The following DTNA variants were observed in gnomAD, a reference collection of about 807,000 sequenced individuals.
The protein encoded by DTNA is dystrobrevin alpha, also known as dystrophin-related protein 3.
DTNA carries 43 observed loss-of-function variants against 100.7 expected under a neutral mutation model. The ratio of observed to expected loss-of-function variants is 0.43; its 90% CI spans 0.33 to 0.55. The LOEUF is 0.55. Ranked by LOEUF, DTNA falls within the 20% of genes least tolerant of loss-of-function variation. The pLI, the probability that DTNA is intolerant of heterozygous loss-of-function variation, is 0.04. For missense variants in DTNA, 798 were observed against 953.9 expected (o/e 0.84, Z 2.15); for synonymous variants, 349 against 347.9 (o/e 1.00, Z -0.04).
At chr18:34,651,860 T>C (rs2143940724) in intron 1 of DTNA, among the ~76,000 whole-genome samples, 1 of 152,126 alleles carries the variant, frequency 6.6e-6, no homozygotes, top group Non-Finnish European at 1.5e-5. Flanking sequence ...GCCCAGAAAT[T>C]TGAGACCAGC....
At chr18:34,838,355 T>C (rs2096198978) in intron 12 of DTNA, among the ~76,000 whole-genome samples, 184 bp downstream of exon 12, 1 of 152,216 alleles carries the variant, frequency 6.6e-6, no homozygotes. Flanking sequence ...GTTATTCACT[T>C]TCCCGAATTT....
rs10655400 is a variant in DTNA at position 34,771,957 on chromosome 18, C to CTTT, written c.148+5925_148+5927dup. On this transcript the variant is annotated intron_variant, in intron 3 of 22. Coordinates refer to ENST00000444659, the MANE Select transcript of DTNA (RefSeq NM_001386795.1). The stretch of plus-strand genomic sequence containing the variant: ...CAGATACCCTGTAATGTCAGCAGAT[C>CTTT]TTTTTTTTTTTCAGAAATTACTTTG... Among the ~76,000 whole-genome samples, 960 of 149,320 alleles carry CTTT rather than the reference C, an allele frequency of 6.4e-3. 5 individuals carry two copies. Among genetic ancestry groups the CTTT allele is most frequent in the African/African-American group, 0.023 (921 of 40,890 alleles).
At chr18:34,682,907 G>T (rs1001171276) in intron 1 of DTNA, among the ~76,000 whole-genome samples, 2 of 151,894 alleles carry the variant, frequency 1.3e-5, no homozygotes, top group Middle Eastern at 3.2e-3. Context: ...ACATTAATTT[G>T]TTGCTGTTAA....
At position 34,879,665 on chromosome 18, in the gene DTNA, G is replaced by A. The variant is rs142009291; in HGVS notation, c.2108G>A (p.Arg703Gln). 6.8e-5 allele frequency: 109 copies of A among 1,614,040 alleles called. No homozygotes were observed. The African/African-American group carries it at 9.5e-4, about 14-fold the overall frequency. The part of the protein sequence containing the change: ...EKAFLAQIHA[R>Q]KPGYIHSGAT... ...GCTTTTCTAGCGCAAATCCATGCCC[G>A]AAAACCTGGGTACATTCACAGTGGA... The change falls in exon 20 of 23, where the codon CGA (arginine) becomes CAA (glutamine). Residue 703 changes from arginine to glutamine, a missense_variant. By Grantham distance (43) the Arg-to-Gln change is conservative (BLOSUM62 1). This residue lies in a region of DTNA where 242 missense variants were observed against 238.2 expected (regional missense o/e 1.02). Coordinates refer to ENST00000444659, the MANE Select transcript of DTNA (RefSeq NM_001386795.1).
intron 1 of DTNA, among the ~76,000 whole-genome samples, chr18:34,744,410 A>G (rs1039903811): frequency 1.3e-5 from 2 of 152,134 alleles, no homozygotes; most frequent in African/African-American, 4.8e-5. Context: ...TAGGAACTCT[A>G]TTGGTATTTC....
chr18:34,532,485 C>T (rs576725947), intron 1 of DTNA, among the ~76,000 whole-genome samples: 1 of 152,050 alleles, frequency 6.6e-6, no homozygotes, highest in African/African-American at 2.4e-5. Flanking sequence ...ATTGCAACTG[C>T]AGAATTTGGT....
chr18:34,710,714 G>A (rs1050144378), intron 1 of DTNA, among the ~76,000 whole-genome samples: 1 of 151,856 alleles, frequency 6.6e-6, no homozygotes, highest in Non-Finnish European at 1.5e-5. Context: ...GTCAAAGAAA[G>A]AAAACTGCAA....
intron 1 of DTNA, among the ~76,000 whole-genome samples, chr18:34,572,651 C>T (rs552791653): frequency 1.3e-5 from 2 of 152,232 alleles, no homozygotes; most frequent in Admixed American, 1.3e-4. Flanking sequence ...CATCAGGTTC[C>T]CGTTTCCTCT....
Position 34,820,775 on chromosome 18 carries a change from T to G in DTNA, c.877-16T>G, listed in dbSNP as rs2095695411. The stretch of plus-strand genomic sequence containing the variant: ...ATATTAGCTGTTGTCACTTCTGCCT[T>G]CCTTCTTCTTTCCAGAAATCACCTG... On this transcript the variant is annotated splice_polypyrimidine_tract_variant and intron_variant, in intron 8 of 22. Coordinates refer to ENST00000444659, the MANE Select transcript of DTNA (RefSeq NM_001386795.1). 1 of 1,614,154 alleles carries G rather than the reference T, an allele frequency of 6.2e-7. No homozygotes were observed. Among genetic ancestry groups the G allele is most frequent in the Non-Finnish European group, 8.5e-7 (1 of 1,179,978 alleles).
At chr18:34,579,610 A>G (rs1032347613) in intron 1 of DTNA, among the ~76,000 whole-genome samples, 2 of 152,186 alleles carry the variant, frequency 1.3e-5, no homozygotes, top group Non-Finnish European at 2.9e-5. Flanking sequence ...CATCGTCTTA[A>G]GGCAGTCAAT....
At chr18:34,500,909 G>A (rs1238973969) in intron 1 of DTNA, among the ~76,000 whole-genome samples, 2 of 152,134 alleles carry the variant, frequency 1.3e-5, no homozygotes, top group East Asian at 3.9e-4. Context: ...TCTGAAAACA[G>A]AAACAATTTT....
intron 2 of DTNA, among the ~76,000 whole-genome samples, chr18:34,765,092 C>T (rs1004181101): frequency 9.2e-5 from 14 of 152,094 alleles, no homozygotes; most frequent in African/African-American, 3.1e-4. Context: ...TGGGCAATGT[C>T]GTTAGGCAAG....
intron 17 of DTNA, chr18:34,867,218 G>GT: frequency 2.4e-6 from 3 of 1,231,268 alleles, no homozygotes; most frequent in Non-Finnish European, 3.0e-6. Context: ...GTGTTTGTGT[G>GT]TAACAAAGAA....
chr18:34,712,695 T>A lies in DTNA; in HGVS notation c.-2+2250T>A, dbSNP rs373353955. Among the ~76,000 whole-genome samples, 23 of 152,274 alleles carry A rather than the reference T, an allele frequency of 1.5e-4. No homozygotes were observed. In the East Asian group the frequency reaches 4.0e-3, roughly 27 times the overall value. ...CCAGGATGTTTTAATTGTACAGTAT[T>A]TGTTTCAACTCTTGTTTAAATTATG... On this transcript the variant is annotated intron_variant, in intron 1 of 22. Coordinates refer to ENST00000444659, the MANE Select transcript of DTNA (RefSeq NM_001386795.1).
At chr18:34,736,206 C>A (rs1470357964) in intron 1 of DTNA, among the ~76,000 whole-genome samples, 1 of 152,168 alleles carries the variant, frequency 6.6e-6, no homozygotes. Context: ...GAGAGCAATA[C>A]CACATTAAAC....
At chr18:34,550,504 G>C (rs773935552) in intron 1 of DTNA, among the ~76,000 whole-genome samples, 20 of 152,036 alleles carry the variant, frequency 1.3e-4, no homozygotes, top group African/African-American at 4.8e-4. Flanking sequence ...CAGGTGAATC[G>C]ACACATTTTT....
intron 1 of DTNA, among the ~76,000 whole-genome samples, chr18:34,555,824 G>A (rs1397667427): frequency 2.0e-5 from 3 of 151,946 alleles, no homozygotes; most frequent in African/African-American, 7.2e-5. Flanking sequence ...AATAGGTGTG[G>A]TGCTGAAAAA....
intron 1 of DTNA, among the ~76,000 whole-genome samples, chr18:34,690,867 A>T (rs1054303089): frequency 6.6e-6 from 1 of 152,186 alleles, no homozygotes; most frequent in Non-Finnish European, 1.5e-5. Flanking sequence ...TTATGCAAGA[A>T]ATTGTTCTAT....
At chr18:34,563,413 C>T (rs941812099) in intron 1 of DTNA, among the ~76,000 whole-genome samples, 2 of 152,178 alleles carry the variant, frequency 1.3e-5, no homozygotes, top group South Asian at 2.1e-4. Context: ...TTCTGACCTC[C>T]TAAACTATTA....
Sources: allele counts gnomAD v4.1 joint callset (sites outside exome capture counted in the v4.1 genomes callset), GRCh38; gene constraint gnomAD v4.1.1; regional missense constraint gnomAD v4.1.1; transcripts MANE v1.5; gene names NCBI Gene and HGNC (gene_info 2026-07-23, HGNC 2026-07-21).